The following VSNL1 variants were observed in gnomAD, a reference collection of about 807,000 sequenced individuals.
The protein encoded by VSNL1 is visinin-like protein 1.
In VSNL1, 6 loss-of-function variants were observed where a neutral mutation model predicts 20.4. That is an observed-to-expected ratio of 0.29 (90% confidence interval 0.16 to 0.58). The LOEUF is 0.58. Ranked by LOEUF, VSNL1 falls within the 20% of genes least tolerant of loss-of-function variation. VSNL1 has a pLI of 0.90. For missense variants in VSNL1, 100 were observed against 234.5 expected (o/e 0.43, Z 3.75); for synonymous variants, 93 against 86.4 (o/e 1.08, Z -0.42).
chr2:17,546,557 G>A (rs892056724), intron 1 of VSNL1, among the ~76,000 whole-genome samples: 4 of 151,814 alleles, frequency 2.6e-5, no homozygotes, highest in Admixed American at 1.3e-4. Flanking sequence ...AATAGTAAAC[G>A]CTGGTGTTAC....
intron 2 of VSNL1, among the ~76,000 whole-genome samples, chr2:17,647,522 C>T (rs1443039353): frequency 6.6e-6 from 1 of 152,152 alleles, no homozygotes; most frequent in Non-Finnish European, 1.5e-5. Flanking sequence ...GCAAACTTGC[C>T]TATTTAGAAG....
chr2:17,583,431 C>G (rs1482556084), intron 1 of VSNL1, among the ~76,000 whole-genome samples: 1 of 152,230 alleles, frequency 6.6e-6, no homozygotes, highest in Non-Finnish European at 1.5e-5. Flanking sequence ...AAAGCATTTC[C>G]TCTGTTACCT....
At chr2:17,588,125 T>C (rs1368786734) in intron 1 of VSNL1, among the ~76,000 whole-genome samples, 1 of 152,324 alleles carries the variant, frequency 6.6e-6, no homozygotes, top group East Asian at 1.9e-4. Context: ...TTTAATATTA[T>C]AGCTTGAAAT....
At chr2:17,546,262 A>G (rs1357142825) in intron 1 of VSNL1, among the ~76,000 whole-genome samples, 2 of 152,076 alleles carry the variant, frequency 1.3e-5, no homozygotes, top group African/African-American at 2.4e-5. Context: ...AATGAATCCT[A>G]TTCATTGCTG....
intron 3 of VSNL1, among the ~76,000 whole-genome samples, chr2:17,650,798 C>T (rs1258915710): frequency 6.6e-6 from 1 of 152,252 alleles, no homozygotes; most frequent in Non-Finnish European, 1.5e-5. Context: ...GCCTCGTTCA[C>T]TTGCACACCC....
intron 2 of VSNL1, among the ~76,000 whole-genome samples, chr2:17,644,982 G>C (rs1443236077): frequency 6.6e-6 from 1 of 152,252 alleles, no homozygotes; most frequent in Non-Finnish European, 1.5e-5. Context: ...ACCCAAGTGA[G>C]GGTGTTTTAA....
intron 1 of VSNL1, among the ~76,000 whole-genome samples, chr2:17,584,804 G>A (rs988450769): frequency 8.5e-5 from 13 of 152,104 alleles, no homozygotes; most frequent in African/African-American, 2.2e-4. Context: ...CAGTCTTATC[G>A]TTGAGACTTG....
chr2:17,569,367 AT>A (rs1277166085), intron 1 of VSNL1, among the ~76,000 whole-genome samples: 5 of 151,820 alleles, frequency 3.3e-5, no homozygotes, highest in African/African-American at 7.2e-5. Context: ...ATTAAAAAAA[AT>A]ATTGTCATGT....
At chr2:17,579,138 C>T (rs1447934631) in intron 1 of VSNL1, among the ~76,000 whole-genome samples, 2 of 150,826 alleles carry the variant, frequency 1.3e-5, no homozygotes, top group South Asian at 2.1e-4. Context: ...TTTTTTGAGA[C>T]GGAGTCTCGC....
rs191246695 is a variant in VSNL1, at chr2:17,564,856, G to A, written c.-6+23938G>A. On this transcript the variant is annotated intron_variant, in intron 1 of 3. Transcript: ENST00000295156. Reference sequence around the variant, plus strand: ...TGAAAGTATCGCAGATGCAATTGTAGTATCAACAAAGTAGTCGTAAGATTA... The same window carrying A: ...TGAAAGTATCGCAGATGCAATTGTAATATCAACAAAGTAGTCGTAAGATTA... Among the ~76,000 whole-genome samples the A allele has an allele frequency of 1.8e-4, 27 of 152,218 alleles. No homozygotes were observed. The East Asian group carries it at 5.0e-3, about 28-fold the overall frequency.
chr2:17,571,232 A>G (rs1455555896), intron 1 of VSNL1, among the ~76,000 whole-genome samples: 1 of 152,166 alleles, frequency 6.6e-6, no homozygotes. Flanking sequence ...TGTAACCCTC[A>G]ACCACACTTT....
chr2:17,590,373 C>G (rs1216306287), intron 1 of VSNL1, among the ~76,000 whole-genome samples: 1 of 152,180 alleles, frequency 6.6e-6, no homozygotes, highest in Non-Finnish European at 1.5e-5. Context: ...TGAGTACCCA[C>G]TTGATTTCCA....
At chr2:17,587,257 G>A (rs886950585) in intron 1 of VSNL1, among the ~76,000 whole-genome samples, 8 of 151,652 alleles carry the variant, frequency 5.3e-5, no homozygotes, top group African/African-American at 1.7e-4. Context: ...AGCTGGATAT[G>A]CAGTTCTGTG....
At chr2:17,605,220 C>G (rs2103388245) in intron 2 of VSNL1, among the ~76,000 whole-genome samples, 1 of 152,372 alleles carries the variant, frequency 6.6e-6, no homozygotes, top group South Asian at 2.1e-4. Flanking sequence ...GAAGCTGGCA[C>G]TGCTGTCTGA....
At chr2:17,590,327 AGAG>A (rs2103374475) in intron 1 of VSNL1, among the ~76,000 whole-genome samples, 1 of 152,356 alleles carries the variant, frequency 6.6e-6, no homozygotes, top group Non-Finnish European at 1.5e-5. Context: ...ACCATGAATT[AGAG>A]TTTTCTTACT....
intron 2 of VSNL1, among the ~76,000 whole-genome samples, chr2:17,633,156 T>C (rs1665673709): frequency 6.6e-6 from 1 of 151,956 alleles, no homozygotes; most frequent in Non-Finnish European, 1.5e-5. Context: ...GTGAGAGAGC[T>C]TGTACAGGGG....
intron 2 of VSNL1, among the ~76,000 whole-genome samples, chr2:17,638,519 C>A (rs1235818961): frequency 6.6e-6 from 1 of 152,182 alleles, no homozygotes; most frequent in East Asian, 1.9e-4. Flanking sequence ...CAGCATCTCA[C>A]AGCCAGTAAG....
intron 1 of VSNL1, among the ~76,000 whole-genome samples, chr2:17,552,954 A>T (rs1663579264): frequency 6.6e-6 from 1 of 152,186 alleles, no homozygotes; most frequent in Admixed American, 6.5e-5. Context: ...TGTACTCCTG[A>T]GATTAATTGT....
At chr2:17,563,076 C>G (rs964933538) in intron 1 of VSNL1, among the ~76,000 whole-genome samples, 1 of 151,362 alleles carries the variant, frequency 6.6e-6, no homozygotes, top group Non-Finnish European at 1.5e-5. Flanking sequence ...ACAACAACAA[C>G]AAAAAAAGGG....
Sources: gnomAD v4.1 joint callset for allele counts (sites outside exome capture counted in the v4.1 genomes callset) on GRCh38, gnomAD v4.1.1 for gene constraint, MANE v1.5 for transcripts, NCBI Gene and HGNC (gene_info 2026-07-23, HGNC 2026-07-21) for gene names.